Variants in GDA observed in about 807,000 individuals in gnomAD.
GDA encodes the protein guanine deaminase, also known as cytoplasmic PSD-95 interactor.
In GDA, 18 loss-of-function variants were observed where a neutral mutation model predicts 59.6. That is an observed-to-expected ratio of 0.30 (90% confidence interval 0.21 to 0.45). The LOEUF (loss-of-function observed/expected upper bound fraction) is 0.45. Ranked by LOEUF, GDA falls within the 20% of genes least tolerant of loss-of-function variation. The pLI is 1.00. For missense variants in GDA, 427 were observed against 552.3 expected (o/e 0.77, Z 2.27); for synonymous variants, 201 against 201.1 (o/e 1.00, Z 0.00).
chr9:72,180,061 T>A (rs1830995228), intron 1 of GDA, among the ~76,000 whole-genome samples: 1 of 151,992 alleles, frequency 6.6e-6, no homozygotes, highest in Non-Finnish European at 1.5e-5. Flanking sequence ...GATTTCAAGT[T>A]TTTTTAAAAA....
intron 1 of GDA, among the ~76,000 whole-genome samples, chr9:72,120,689 C>T (rs1825629110): frequency 6.6e-6 from 1 of 152,134 alleles, no homozygotes; most frequent in Non-Finnish European, 1.5e-5. Flanking sequence ...ACATTTGATG[C>T]ACATGATCCA....
chr9:72,172,867 T>C (rs1410794428), intron 1 of GDA, among the ~76,000 whole-genome samples: 4 of 152,168 alleles, frequency 2.6e-5, no homozygotes, highest in Non-Finnish European at 5.9e-5. Flanking sequence ...TGTAAACATT[T>C]ATTTGAGTGC....
At position 72,149,488 on chromosome 9, in the gene GDA, G is replaced by A; in HGVS notation, c.-72G>A. Reference sequence around the variant, plus strand: ...CGCCCGGCAGCCGCCCGCAGCTGCAGAGAGTCCCGCTGCGTCTCCGCCGCG... The same window carrying A: ...CGCCCGGCAGCCGCCCGCAGCTGCAAAGAGTCCCGCTGCGTCTCCGCCGCG... On this transcript the variant is annotated 5_prime_UTR_variant, in exon 1 of 14. Coordinates refer to ENST00000358399, the MANE Select transcript of GDA (RefSeq NM_004293.5). 5 of 1,568,320 alleles carry A rather than the reference G, an allele frequency of 3.2e-6. No homozygotes were observed. The highest frequency in any genetic ancestry group is 4.3e-6 in the Non-Finnish European group (5 of 1,156,882).
At chr9:72,231,001 G>T in intron 9 of GDA, 113 bp from the exon 10 acceptor site, 1 of 741,714 alleles carries the variant, frequency 1.3e-6, no homozygotes. Context: ...CAACATTAGA[G>T]CCGATATATT....
At chr9:72,157,679 T>C (rs1828088563) in intron 1 of GDA, among the ~76,000 whole-genome samples, 1 of 152,222 alleles carries the variant, frequency 6.6e-6, no homozygotes, top group African/African-American at 2.4e-5. Flanking sequence ...TACTGAAAAC[T>C]CTTTTCTTGG....
Position 72,202,729 on chromosome 9 carries a change from A to T in GDA, c.371A>T (p.Tyr124Phe). The part of the protein sequence containing the change: ...FQNIDFAEEV[Y>F]TRVVRRTLKN... Reference sequence around the variant, plus strand: ...AACATCGACTTTGCAGAAGAAGTATATACCAGAGTTGTCGTAAGTATCTTG... The same window carrying T: ...AACATCGACTTTGCAGAAGAAGTATTTACCAGAGTTGTCGTAAGTATCTTG... Residue 124 changes from tyrosine to phenylalanine, a missense_variant, in exon 3 of 14, where the codon TAT (tyrosine) becomes TTT (phenylalanine). Transcript: ENST00000358399. The T allele has an allele frequency of 6.2e-7, 1 of 1,612,334 alleles. No individual in the cohort carries two copies. Among genetic ancestry groups the T allele is most frequent in the Non-Finnish European group, 8.5e-7 (1 of 1,179,098 alleles).
At chr9:72,125,019 G>A (rs138823553) in intron 1 of GDA, among the ~76,000 whole-genome samples, 3 of 152,254 alleles carry the variant, frequency 2.0e-5, no homozygotes, top group African/African-American at 7.2e-5. Flanking sequence ...TAGGGCTGCC[G>A]ATATTTTATG....
intron 1 of GDA, among the ~76,000 whole-genome samples, chr9:72,161,880 C>T (rs1022769364): frequency 1.3e-5 from 2 of 152,216 alleles, no homozygotes; most frequent in Admixed American, 1.3e-4. Flanking sequence ...ATATGCTCTT[C>T]ACAGAGTAGA....
At chr9:72,128,458 C>G (rs1459160306) in intron 1 of GDA, among the ~76,000 whole-genome samples, 3 of 152,062 alleles carry the variant, frequency 2.0e-5, no homozygotes, top group African/African-American at 7.2e-5. Context: ...AAAATAACTA[C>G]TATCATTTTT....
chr9:72,145,093 T>A (rs946137775), upstream of GDA, among the ~76,000 whole-genome samples: 4 of 152,188 alleles, frequency 2.6e-5, no homozygotes, highest in African/African-American at 9.7e-5. Context: ...GCACTCTCTG[T>A]ACCTCATGAA....
At chr9:72,136,479 C>G (rs1427497425) in intron 1 of GDA, among the ~76,000 whole-genome samples, 1 of 152,112 alleles carries the variant, frequency 6.6e-6, no homozygotes, top group Non-Finnish European at 1.5e-5. Flanking sequence ...TTCTAGTATA[C>G]ACTGTACTAT....
chr9:72,128,299 A>G (rs1323479124), intron 1 of GDA, among the ~76,000 whole-genome samples: 1 of 152,170 alleles, frequency 6.6e-6, no homozygotes, highest in Non-Finnish European at 1.5e-5. Context: ...TACTCACCTC[A>G]TATTTCAAGT....
At chr9:72,187,539 G>A (rs1173011436) in intron 1 of GDA, among the ~76,000 whole-genome samples, 1 of 152,160 alleles carries the variant, frequency 6.6e-6, no homozygotes, top group Non-Finnish European at 1.5e-5. Flanking sequence ...GTGGTATTCT[G>A]TTGTAGCAGG....
chr9:72,183,465 A>G (rs1831503568), intron 1 of GDA, among the ~76,000 whole-genome samples: 1 of 152,182 alleles, frequency 6.6e-6, no homozygotes, highest in African/African-American at 2.4e-5. Flanking sequence ...ATGGAAGGAA[A>G]AGGAAAGGAA....
At chr9:72,121,784 C>T (rs936484198) in intron 1 of GDA, among the ~76,000 whole-genome samples, 3 of 152,172 alleles carry the variant, frequency 2.0e-5, no homozygotes, top group Admixed American at 1.3e-4. Context: ...GCTTGGCATA[C>T]ACCCAGTGAC....
intron 1 of GDA, among the ~76,000 whole-genome samples, chr9:72,138,645 G>A (rs1826333015): frequency 6.6e-6 from 1 of 152,246 alleles, no homozygotes; most frequent in Non-Finnish European, 1.5e-5. Context: ...GTATGCAGGA[G>A]TTGAAGGGGG....
upstream of GDA, chr9:72,149,423 C>T (rs933505910): frequency 1.9e-6 from 2 of 1,044,544 alleles, no homozygotes; most frequent in Non-Finnish European, 2.7e-6. Flanking sequence ...CCGGCAACCG[C>T]CCGGGTAAGC....
In GDA at chr9:72,241,194, G is replaced by A; in HGVS notation, c.1031G>A (p.Arg344Lys). 1 of 1,610,306 alleles carries A rather than the reference G, an allele frequency of 6.2e-7. No homozygotes were observed. Among genetic ancestry groups the A allele is most frequent in the African/African-American group, 1.3e-5 (1 of 74,998 alleles). Residue 344 changes from arginine (R) to lysine (K), a missense_variant, in exon 11 of 14, where the codon AGA (arginine) becomes AAA (lysine). Coordinates refer to ENST00000358399, the MANE Select transcript of GDA (RefSeq NM_004293.5). ...TCATATTCCATGCTTGATGCAATCA[G>A]AAGAGCAGTGATGGTTTCCAATATC... is the stretch of plus-strand genomic sequence containing the variant. ...GYSYSMLDAIRRAVMVSNILL... is the reference protein window; with the variant it reads ...GYSYSMLDAIKRAVMVSNILL...
At chr9:72,246,635 C>A (rs1310156206) in intron 12 of GDA, among the ~76,000 whole-genome samples, 1 of 152,094 alleles carries the variant, frequency 6.6e-6, no homozygotes, top group Non-Finnish European at 1.5e-5. Flanking sequence ...CCTGCTTGTT[C>A]AGATTCTTCT....
Sources: gnomAD v4.1 joint callset for allele counts (sites outside exome capture counted in the v4.1 genomes callset) on GRCh38, gnomAD v4.1.1 for gene constraint, MANE v1.5 for transcripts, NCBI Gene and HGNC (gene_info 2026-07-23, HGNC 2026-07-21) for gene names.